LAMB4: variants seen among roughly 807,000 people sequenced by gnomAD.
LAMB4 encodes laminin subunit beta-4.
In LAMB4, 196 loss-of-function variants were observed where a neutral mutation model predicts 199.2. The ratio of observed to expected loss-of-function variants is 0.98; its 90% CI spans 0.88 to 1.11. LAMB4 has a LOEUF of 1.11. Ranked by LOEUF, LAMB4 falls within the 50% of genes least tolerant of loss-of-function variation. LAMB4 has a pLI of 0.00. For missense variants in LAMB4, 2,080 were observed against 2,171.2 expected, an observed-to-expected ratio of 0.96 and a Z score of 0.83; for synonymous variants, 744 against 770.6, an observed-to-expected ratio of 0.97 and a Z score of 0.57.
intron 14 of LAMB4, among the ~76,000 whole-genome samples, chr7:108,082,491 A>G (rs1302003553): frequency 6.6e-6 from 1 of 152,166 alleles, no homozygotes; most frequent in Non-Finnish European, 1.5e-5. Context: ...TATGCTGATA[A>G]CCAGGTATAC....
Position 108,037,412 on chromosome 7 carries a change from A to G in LAMB4, c.4655T>C (p.Leu1552Pro). The G allele has an allele frequency of 6.2e-7, 1 of 1,614,122 alleles. No homozygotes were observed. The highest frequency in any genetic ancestry group is 8.5e-7 in the Non-Finnish European group (1 of 1,180,000). ...LNEEADGAQK[L>P]LVKAKAAEKA... is the part of the protein sequence containing the mutation. ...CTCAGCTGCTTTGGCCTTCACCAAA[A>G]GCTTTTGGGCTCCATCTGCTTCTTC... The change falls in exon 30 of 34, where the codon CTT (leucine) becomes CCT (proline). Residue 1552 changes from leucine (L) to proline (P), a missense_variant. Coordinates refer to ENST00000388781, the MANE Select transcript of LAMB4 (RefSeq NM_007356.3).
chr7:108,052,073 G>A, intron 26 of LAMB4, 24 bp downstream of exon 26: 1 of 1,584,730 alleles, frequency 6.3e-7, no homozygotes, highest in South Asian at 1.2e-5. Context: ...TGCAGACACA[G>A]TCAAAAATAC....
intron 24 of LAMB4, among the ~76,000 whole-genome samples, chr7:108,057,336 C>T (rs1456251941): frequency 6.6e-6 from 1 of 152,144 alleles, no homozygotes; most frequent in East Asian, 1.9e-4. Flanking sequence ...TGGGTTTTAA[C>T]CCAGCAATTC....
At chr7:108,056,059 G>T in intron 24 of LAMB4, 52 bp from the exon 25 acceptor site, 2 of 1,512,762 alleles carry the variant, frequency 1.3e-6, no homozygotes, top group South Asian at 2.6e-5. Context: ...TTTTGTTGAT[G>T]ACTAACTCAA....
chr7:108,090,008 T>G (rs1186107121), intron 14 of LAMB4, among the ~76,000 whole-genome samples: 1 of 152,098 alleles, frequency 6.6e-6, no homozygotes. Flanking sequence ...TTCAATCCAG[T>G]CTCCCCCAAC....
rs751799572 is a variant in LAMB4 at position 108,052,191 on chromosome 7, TG to T, written c.3821del (p.Thr1274LysfsTer2). The T allele has an allele frequency of 1.9e-6, 3 of 1,612,320 alleles. No homozygotes were observed. The East Asian group carries it at 6.7e-5, about 36-fold the overall frequency. On this transcript the variant is annotated frameshift_variant, in exon 26 of 34. Coordinates refer to ENST00000388781, the MANE Select transcript of LAMB4 (RefSeq NM_007356.3). LOFTEE classifies it high-confidence loss of function. ...CTGCTTCATTCTTTGCTCTTTCTAT[TG>T]TATCTTTCAGATCTTGAAATTCATA... ...AVYEFQDLKD[T>X]IERAKNEADL...
intron 1 of LAMB4, among the ~76,000 whole-genome samples, chr7:108,126,356 C>A (rs1456748952): frequency 6.6e-6 from 1 of 152,046 alleles, no homozygotes; most frequent in Admixed American, 6.5e-5. Context: ...ACTTTGTATC[C>A]ATTAAACAAG....
At chr7:108,017,560 C>T in the LAMB4 span, among the ~76,000 whole-genome samples, 2 of 152,144 alleles carry the variant, frequency 1.3e-5, no homozygotes, top group African/African-American at 2.4e-5. Context: ...AGGACTTAAA[C>T]GTGTGCAAAT....
intron 16 of LAMB4, among the ~76,000 whole-genome samples, chr7:108,077,518 C>T (rs1017453512): frequency 6.6e-6 from 1 of 152,070 alleles, no homozygotes; most frequent in African/African-American, 2.4e-5. Context: ...TATGGTGAAA[C>T]TCTGTCTCTA....
chr7:108,069,907 A>G (rs1374613499), intron 17 of LAMB4, 22 bp from the exon 18 acceptor site: 4 of 1,594,972 alleles, frequency 2.5e-6, no homozygotes, highest in Non-Finnish European at 3.4e-6. Flanking sequence ...ATGCAAAAAG[A>G]CTTAACATTC....
downstream of LAMB4, among the ~76,000 whole-genome samples, chr7:108,020,006 G>T (rs2034657150): frequency 6.6e-6 from 1 of 152,034 alleles, no homozygotes; most frequent in African/African-American, 2.4e-5. Flanking sequence ...TTCTGATGTG[G>T]CTAGCTGGGT....
intron 25 of LAMB4, 92 bp downstream of exon 25, chr7:108,055,540 A>T: frequency 7.5e-7 from 1 of 1,329,012 alleles, no homozygotes; most frequent in Non-Finnish European, 1.0e-6. Context: ...ACATAGGTAC[A>T]TTTCTAAATT....
chr7:108,120,879 T>C (rs2038575123), intron 2 of LAMB4, among the ~76,000 whole-genome samples: 1 of 152,238 alleles, frequency 6.6e-6, no homozygotes, highest in Non-Finnish European at 1.5e-5. Context: ...CTTGTTTTTG[T>C]CAGAATTTTT....
chr7:108,029,118 C>G lies in LAMB4; in HGVS notation c.5071G>C (p.Gly1691Arg), dbSNP rs1487246946. Residue 1691 changes from glycine to arginine, a missense_variant, in exon 33 of 34, where the codon GGA becomes CGA. Physicochemically the swap from Gly to Arg is moderately radical, Grantham distance 125. Transcript: ENST00000388781. ...STTGLTKETL[G>R]KVKQLKDAAE... ...GCATCTTTTAGCTGTTTAACTTTTC[C>G]TAATGTCTCCTTTGTTAGTCCTGTA... The G allele has an allele frequency of 1.4e-5, 23 of 1,614,064 alleles. No individual in the cohort carries two copies. The East Asian group carries it at 5.1e-4, about 36-fold the overall frequency.
chr7:108,112,657 T>C (rs560001440), intron 3 of LAMB4, among the ~76,000 whole-genome samples: 1 of 152,360 alleles, frequency 6.6e-6, no homozygotes, highest in Admixed American at 6.5e-5. Context: ...CTTAATTTAA[T>C]GCATCTACTT....
intron 1 of LAMB4, among the ~76,000 whole-genome samples, chr7:108,126,350 T>C (rs577049053): frequency 6.6e-6 from 1 of 152,268 alleles, no homozygotes; most frequent in East Asian, 1.9e-4. Flanking sequence ...GTTGAAACTT[T>C]GTATCCATTA....
rs75066987 is a variant in LAMB4 at position 108,116,194 on chromosome 7, G to A, written c.35-33C>T. 6,244 of 1,600,148 alleles carry A rather than the reference G, an allele frequency of 3.9e-3. 17 individuals carry two copies. The highest frequency in any genetic ancestry group is 4.3e-3 in the Non-Finnish European group (5,059 of 1,170,642). On this transcript the variant is annotated intron_variant, in intron 2 of 33. Coordinates refer to ENST00000388781, the MANE Select transcript of LAMB4 (RefSeq NM_007356.3). ...ACAACAGAAATAGCTTACACGGAAG[G>A]CAGTCTAAGGACAGCACAGGGCCTG...
At chr7:108,082,056 T>C (rs2036963797) in intron 14 of LAMB4, among the ~76,000 whole-genome samples, 2 of 152,022 alleles carry the variant, frequency 1.3e-5, no homozygotes, top group Admixed American at 6.6e-5. Flanking sequence ...TTCGGCCGGG[T>C]GAGGTGGCTC....
At chr7:108,064,107 C>A in intron 21 of LAMB4, 122 bp from the exon 22 acceptor site, 1 of 699,114 alleles carries the variant, frequency 1.4e-6, no homozygotes, top group South Asian at 1.7e-5. Flanking sequence ...ATCACACATT[C>A]GGGGTGAATA....
Sources: allele counts gnomAD v4.1 joint callset (sites outside exome capture counted in the v4.1 genomes callset), GRCh38; gene constraint gnomAD v4.1.1; transcripts MANE v1.5; gene names NCBI Gene and HGNC (gene_info 2026-07-23, HGNC 2026-07-21).